Variants in FAM9A observed in about 807,000 individuals in gnomAD.
FAM9A encodes family with sequence similarity 9 member A, also known as protein FAM9A.
In FAM9A, 49 loss-of-function variants were observed where a neutral mutation model predicts 25.0. The observed-to-expected ratio is 1.96, with a 90% CI of 1.56 to 2.48. FAM9A has a LOEUF of 2.48. Ranked by LOEUF, FAM9A falls within the 30% of genes most tolerant of loss-of-function variation. The probability of loss-of-function intolerance (pLI) is 0.00; values close to 1 mark genes in which losing one functional copy is unlikely to be tolerated. For missense variants in FAM9A, 266 were observed against 249.3 expected, an observed-to-expected ratio of 1.07 and a Z score of -0.45; for synonymous variants, 80 against 85.1, an observed-to-expected ratio of 0.94 and a Z score of 0.33.
chrX:8,798,044 A>G, intron 5 of FAM9A, 106 bp downstream of exon 5: 1 of 729,712 alleles, frequency 1.4e-6, no homozygotes, highest in East Asian at 3.5e-5. Context: ...TATGAGAAGA[A>G]GGCATGTTAA....
intron 6 of FAM9A, among the ~76,000 whole-genome samples, chrX:8,795,898 C>T (rs1933527334): frequency 8.9e-6 from 1 of 111,815 alleles, no homozygotes; most frequent in African/African-American, 3.3e-5. Flanking sequence ...AACATATTTA[C>T]AACATAAGGT....
At chrX:8,794,661 A>G (rs895719569) in intron 7 of FAM9A, among the ~76,000 whole-genome samples, 36 of 110,998 alleles carry the variant, frequency 3.2e-4, no homozygotes, top group African/African-American at 1.2e-3. Flanking sequence ...CCCGACACCC[A>G]CTGAATGGAA....
intron 3 of FAM9A, 146 bp downstream of exon 3, chrX:8,798,820 G>T: frequency 1.0e-6 from 1 of 1,004,377 alleles, no homozygotes; most frequent in South Asian, 2.5e-5. Context: ...TTGAAAACCT[G>T]GGGCCTCTTG....
chrX:8,797,355 C>T (rs745682286), intron 5 of FAM9A, among the ~76,000 whole-genome samples: 1 of 111,965 alleles, frequency 8.9e-6, no homozygotes, highest in African/African-American at 3.2e-5. Flanking sequence ...GTGCAACTAA[C>T]AGTTCACATG....
chrX:8,791,696 T>C (rs1449376708), intron 8 of FAM9A, among the ~76,000 whole-genome samples: 1 of 111,987 alleles, frequency 8.9e-6, no homozygotes, highest in African/African-American at 3.2e-5. Flanking sequence ...CCATGAAATA[T>C]ATTTTTTCAG....
chrX:8,798,845 G>C, intron 3 of FAM9A, 121 bp downstream of exon 3: 1 of 1,098,571 alleles, frequency 9.1e-7, no homozygotes, highest in Non-Finnish European at 1.2e-6. Context: ...ATGCACAATG[G>C]ACTCCAAAGC....
At position 8,798,100 on chromosome X, in the gene FAM9A, G is replaced by C. The variant is rs368202802; in HGVS notation, c.373+50C>G. 3.5e-6 allele frequency: 4 copies of C among 1,132,204 alleles called. No individual in the cohort carries two copies. In the African/African-American group the frequency reaches 5.4e-5, roughly 15 times the overall value. 93.3% of individuals were successfully genotyped at this position (1,132,204 alleles called of 1,213,427 possible). A position where few individuals can be genotyped will look rare whatever the true frequency, so the allele number is the denominator to read the frequency against. On this transcript the variant is annotated intron_variant, in intron 5 of 9. Coordinates refer to ENST00000381003, the MANE Select transcript of FAM9A (RefSeq NM_174951.3). Reference sequence around the variant, plus strand: ...ATTCATATAACCTACTATAACAGTTGTATGGTTGAAAATAATTTTCAAAGA... The same window carrying C: ...ATTCATATAACCTACTATAACAGTTCTATGGTTGAAAATAATTTTCAAAGA...
chrX:8,794,573 C>A (rs932329855), intron 7 of FAM9A, among the ~76,000 whole-genome samples: 2 of 111,675 alleles, frequency 1.8e-5, no homozygotes, highest in African/African-American at 6.5e-5. Context: ...GTTTCTCCAT[C>A]TTCCCAACAT....
At position 8,796,650 on chromosome X, in the gene FAM9A, T is replaced by G. The variant is rs1391695920; in HGVS notation, c.374-268A>C. Among the ~76,000 whole-genome samples, 3 of 112,263 alleles carry G rather than the reference T, an allele frequency of 2.7e-5. No homozygotes were observed. In the Admixed American group the frequency reaches 2.8e-4, roughly 11 times the overall value. On this transcript the variant is annotated intron_variant, in intron 5 of 9. Transcript: ENST00000381003. ...AAAAAAAGCAAGTAATTTTCGATTT[T>G]TTAAATGTGCAGAAAGCGTTACAAA...
chrX:8,799,638 A>C (rs1348113049), intron 2 of FAM9A, among the ~76,000 whole-genome samples: 3 of 28,833 alleles, frequency 1.0e-4, no homozygotes, highest in African/African-American at 1.5e-4. Context: ...CACCCCACGA[A>C]CCCCACACCC....
Position 8,795,114 on chromosome X carries a change from TTCC to T in FAM9A, c.792_794del (p.Glu275del), listed in dbSNP as rs753991137. 313 of 1,152,105 alleles carry T rather than the reference TTCC, an allele frequency of 2.7e-4. 2 individuals are homozygous for T. Among genetic ancestry groups the T allele is most frequent in the Admixed American group, 1.8e-3 (78 of 42,869 alleles). The allele number at this position is 1,152,105 out of a possible 1,213,427, so 94.9% of individuals were successfully genotyped here. On this transcript the variant is annotated inframe_deletion, in exon 7 of 10. Coordinates refer to ENST00000381003, the MANE Select transcript of FAM9A (RefSeq NM_174951.3). ...CCTCTTCCTCTTCTTCTTCTTCCTC[TTCC>T]TCTTCTTCTGTTTCTTCTCCTTCTC... is the stretch of plus-strand genomic sequence containing the variant.
At chrX:8,797,700 C>A (rs949549184) in intron 5 of FAM9A, among the ~76,000 whole-genome samples, 1 of 111,003 alleles carries the variant, frequency 9.0e-6, no homozygotes, top group Admixed American at 9.6e-5. Context: ...TGCTTATAAC[C>A]TGGGTGATAA....
At chrX:8,791,454 C>A in intron 8 of FAM9A, 75 bp from the exon 9 acceptor site, 1 of 725,705 alleles carries the variant, frequency 1.4e-6, no homozygotes. Context: ...AATCAGATGT[C>A]AAAAGGAAAC....
chrX:8,791,840 C>G (rs1933474155), intron 8 of FAM9A, among the ~76,000 whole-genome samples: 1 of 111,818 alleles, frequency 8.9e-6, no homozygotes, highest in Admixed American at 9.5e-5. Flanking sequence ...ACTATTCCCT[C>G]AACAAATAGT....
chrX:8,796,220 C>T (rs1933530414), intron 6 of FAM9A, 48 bp downstream of exon 6: 6 of 990,818 alleles, frequency 6.1e-6, no homozygotes, highest in African/African-American at 1.9e-5. Context: ...CCAACAAATA[C>T]AAAGAAATGA....
chrX:8,791,314 GTTATCAAGTT>G lies in FAM9A; in HGVS notation c.986_995del (p.Glu329AlafsTer31). On this transcript the variant is annotated frameshift_variant, in exon 9 of 10. Coordinates refer to ENST00000381003, the MANE Select transcript of FAM9A (RefSeq NM_174951.3). LOFTEE classifies it high-confidence loss of function. Reference sequence around the variant, plus strand: ...ACGATTCTTTTTAAAAACACGGCTAGTTATCAAGTTCACTTTCTTCACTGGAAGAAATGAT... The same window carrying G: ...ACGATTCTTTTTAAAAACACGGCTAGCACTTTCTTCACTGGAAGAAATGAT... 8.3e-7 allele frequency: 1 copy of G among 1,202,802 alleles called. No homozygotes were observed. The highest frequency in any genetic ancestry group is 1.1e-6 in the Non-Finnish European group (1 of 890,294).
intron 5 of FAM9A, among the ~76,000 whole-genome samples, chrX:8,797,364 TGGC>T (rs1446142641): frequency 8.9e-6 from 1 of 112,235 alleles, no homozygotes; most frequent in African/African-American, 3.2e-5. Flanking sequence ...ACAGTTCACA[TGGC>T]AATACAAAAT....
chrX:8,801,256 G>T (rs1425744973), intron 1 of FAM9A, 55 bp downstream of exon 1: 1 of 109,695 alleles, frequency 9.1e-6, no homozygotes, highest in Admixed American at 9.6e-5. Flanking sequence ...TTCACACCCT[G>T]GTTGCGAGAG....
intron 2 of FAM9A, among the ~76,000 whole-genome samples, chrX:8,799,831 A>C (rs7051854): frequency 0.41 from 21,232 of 51,243 alleles, 4,882 homozygotes; most frequent in African/African-American, 0.6. Flanking sequence ...CCCCGGGACA[A>C]TCCCGGGCCC....
Sources: gnomAD v4.1 joint callset for allele counts (sites outside exome capture counted in the v4.1 genomes callset) on GRCh38, gnomAD v4.1.1 for gene constraint, MANE v1.5 for transcripts, NCBI Gene and HGNC (gene_info 2026-07-23, HGNC 2026-07-21) for gene names.